Variants in MYLIP observed in about 807,000 individuals in gnomAD.
The protein encoded by MYLIP is E3 ubiquitin-protein ligase MYLIP.
In MYLIP, 26 loss-of-function variants were observed where a neutral mutation model predicts 45.8. The observed-to-expected ratio is 0.57, with a 90% CI of 0.42 to 0.79. MYLIP has a LOEUF of 0.79. Among genes scored for constraint, MYLIP ranks in the 30% least tolerant of loss-of-function variants. The probability of loss-of-function intolerance (pLI) is 0.00; values close to 1 mark genes in which losing one functional copy is unlikely to be tolerated. For missense variants in MYLIP, 494 were observed against 555.6 expected (o/e 0.89, Z 1.11); for synonymous variants, 213 against 218.1 (o/e 0.98, Z 0.21).
chr6:16,142,934 T>C (rs1759703125), intron 3 of MYLIP, 86 bp from the exon 4 acceptor site: 3 of 1,295,328 alleles, frequency 2.3e-6, no homozygotes, highest in Non-Finnish European at 1.1e-6. Flanking sequence ...TCAGTGTTAG[T>C]ATATTTCACT....
chr6:16,131,029 G>GA (rs11394742), intron 2 of MYLIP, among the ~76,000 whole-genome samples: 1,299 of 115,212 alleles, frequency 0.011, 25 homozygotes, highest in African/African-American at 0.034. Context: ...GCTACCCCAG[G>GA]AAAAAAAAAA....
chr6:16,143,636 GCA>G, intron 4 of MYLIP, 61 bp from the exon 5 acceptor site: 1 of 1,563,662 alleles, frequency 6.4e-7, no homozygotes, highest in Non-Finnish European at 8.7e-7. Flanking sequence ...TCCCACAAAG[GCA>G]CACACATGGT....
rs1019072169 is a variant in MYLIP, at chr6:16,148,220, A to G, written c.*1469A>G. The stretch of plus-strand genomic sequence containing the variant: ...TATCCTAGAGGACTCTGTCTTTTAT[A>G]TTCGGGATAATAAAGACTTTAAAGC... On this transcript the variant is annotated 3_prime_UTR_variant, in exon 7 of 7. Coordinates refer to ENST00000356840, the MANE Select transcript of MYLIP (RefSeq NM_013262.4). The G allele has an allele frequency of 3.3e-5, 5 of 152,576 alleles. No individual in the cohort carries two copies. The highest frequency in any genetic ancestry group is 1.2e-4 in the African/African-American group (5 of 41,448). 9.5% of individuals were successfully genotyped at this position (152,576 alleles called of 1,614,324 possible). A position where few individuals can be genotyped will look rare whatever the true frequency, so the allele number is the denominator to read the frequency against.
downstream of MYLIP, among the ~76,000 whole-genome samples, chr6:16,150,249 C>T (rs908762249): frequency 3.9e-5 from 6 of 152,138 alleles, no homozygotes; most frequent in Non-Finnish European, 8.8e-5. Flanking sequence ...TGCAAAGAGG[C>T]GGTCAGCTGT....
chr6:16,151,467 A>G (rs1425760093), downstream of MYLIP, among the ~76,000 whole-genome samples: 3 of 152,216 alleles, frequency 2.0e-5, no homozygotes, highest in African/African-American at 7.2e-5. Context: ...AGAGCCTAAA[A>G]TAAATTAGGA....
At chr6:16,161,345 C>T in the MYLIP span, 8 of 267,748 alleles carry the variant, frequency 3.0e-5, no homozygotes, top group African/African-American at 1.1e-4. Flanking sequence ...TTATCCTGAT[C>T]GGCTGTGCCT....
At chr6:16,136,760 TG>T (rs1759565462) in intron 2 of MYLIP, among the ~76,000 whole-genome samples, 4 of 152,222 alleles carry the variant, frequency 2.6e-5, no homozygotes, top group Admixed American at 2.0e-4. Context: ...GGGTGTGTAG[TG>T]GTAGAGTGTT....
At chr6:16,154,906 T>C in the MYLIP span, among the ~76,000 whole-genome samples, 1 of 152,126 alleles carries the variant, frequency 6.6e-6, no homozygotes, top group Non-Finnish European at 1.5e-5. Context: ...AAATAAACAG[T>C]GAGAAGGCAG....
the MYLIP span, among the ~76,000 whole-genome samples, chr6:16,155,806 C>T: frequency 6.6e-6 from 1 of 152,134 alleles, no homozygotes; most frequent in African/African-American, 2.4e-5. Context: ...TGATGCTGTC[C>T]ATGGACAGCT....
rs1561784736 is a variant in MYLIP at position 16,129,595 on chromosome 6, G to A, written c.87+186G>A. On this transcript the variant is annotated intron_variant, in intron 1 of 6. Transcript: ENST00000356840. This position sits in a 1 kb window ranked among gnomAD's most constrained non-coding sequence, Gnocchi z 5.1. ...GCGGTCTCCTCCTGGCGCGCGTGGG[G>A]TGCGCGGAGAAAGCGCGCAGCGGGG... 6.6e-6 allele frequency among the ~76,000 whole-genome samples: 1 copy of A among 152,146 alleles called. No individual in the cohort carries two copies. Among genetic ancestry groups the A allele is most frequent in the South Asian group, 2.1e-4 (1 of 4,834 alleles).
At chr6:16,145,419 A>G in intron 6 of MYLIP, 102 bp downstream of exon 6, 1 of 1,318,322 alleles carries the variant, frequency 7.6e-7, no homozygotes, top group Non-Finnish European at 1.0e-6. Flanking sequence ...CAGACGGGGA[A>G]TGCCCATCTT....
intron 1 of MYLIP, 130 bp from the exon 2 acceptor site, chr6:16,130,427 A>G: frequency 1.1e-6 from 1 of 882,066 alleles, no homozygotes; most frequent in Admixed American, 2.5e-5. Context: ...TTGTTTTTCC[A>G]GTTTAGATCA....
At chr6:16,144,657 C>T (rs542839558) in intron 5 of MYLIP, among the ~76,000 whole-genome samples, 21 of 152,294 alleles carry the variant, frequency 1.4e-4, no homozygotes, top group Non-Finnish European at 2.5e-4. Flanking sequence ...GGAGGAGGTA[C>T]GTGCTCACTG....
chr6:16,146,853 C>A lies in MYLIP; in HGVS notation c.*102C>A. 9 of 947,334 alleles carry A rather than the reference C, an allele frequency of 9.5e-6. No homozygotes were observed. The highest frequency in any genetic ancestry group is 1.7e-5 in the South Asian group (1 of 58,272). 58.7% of individuals were successfully genotyped at this position (947,334 alleles called of 1,614,324 possible). A position where few individuals can be genotyped will look rare whatever the true frequency, so the allele number is the denominator to read the frequency against. ...AGAAAGTAATTATTCCAACACCCAT[C>A]TGCCATGCGATGTTAAAAAAAAAAA... On this transcript the variant is annotated 3_prime_UTR_variant, in exon 7 of 7. Coordinates refer to ENST00000356840, the MANE Select transcript of MYLIP (RefSeq NM_013262.4).
intron 1 of MYLIP, among the ~76,000 whole-genome samples, chr6:16,130,027 G>C (rs1244082267): frequency 6.6e-6 from 1 of 152,218 alleles, no homozygotes; most frequent in Non-Finnish European, 1.5e-5. Context: ...ATAGTGCAGA[G>C]GTGGTATGGC....
At chr6:16,154,543 TC>T in the MYLIP span, among the ~76,000 whole-genome samples, 1 of 152,002 alleles carries the variant, frequency 6.6e-6, no homozygotes, top group Non-Finnish European at 1.5e-5. Context: ...CTCCAAGTGT[TC>T]CCCCCAACCC....
intron 2 of MYLIP, among the ~76,000 whole-genome samples, chr6:16,136,202 C>T (rs1561786912): frequency 1.3e-5 from 2 of 152,030 alleles, no homozygotes. Context: ...CAGAAAGTTC[C>T]CTGAAGCCCT....
rs757616374 is a variant in MYLIP, at chr6:16,141,891, C to A, written c.464+81C>A. On this transcript the variant is annotated intron_variant, in intron 3 of 6. Coordinates refer to ENST00000356840, the MANE Select transcript of MYLIP (RefSeq NM_013262.4). The stretch of plus-strand genomic sequence containing the variant: ...AACTAAGGTTGGAAGGTAAACTAAT[C>A]ACACATAATATGCAGTTTTATGTAC... The A allele has an allele frequency of 2.8e-4, 371 of 1,318,360 alleles. 1 individual carries two copies. The highest frequency in any genetic ancestry group is 3.7e-4 in the Non-Finnish European group (359 of 969,092). The allele number at this position is 1,318,360 out of a possible 1,614,324, so 81.7% of individuals were successfully genotyped here. A position where few individuals can be genotyped will look rare whatever the true frequency, so the allele number is the denominator to read the frequency against.
chr6:16,138,808 G>A (rs983771712), intron 2 of MYLIP, among the ~76,000 whole-genome samples: 2 of 152,200 alleles, frequency 1.3e-5, no homozygotes, highest in African/African-American at 4.8e-5. Flanking sequence ...TGACAGTAAG[G>A]AGAAGGATTT....
Sources: allele counts gnomAD v4.1 joint callset (sites outside exome capture counted in the v4.1 genomes callset), GRCh38; gene constraint gnomAD v4.1.1; non-coding constraint Gnocchi (gnomAD v3.1); transcripts MANE v1.5; gene names NCBI Gene and HGNC (gene_info 2026-07-23, HGNC 2026-07-21).